NBPF11: variants seen among roughly 807,000 people sequenced by gnomAD.
The protein encoded by NBPF11 is NBPF member 11, also known as NBPF family member NBPF11.
In NBPF11, 72 loss-of-function variants were observed where a neutral mutation model predicts 93.9. The observed-to-expected ratio is 0.77, with a 90% CI of 0.63 to 0.93. The LOEUF (loss-of-function observed/expected upper bound fraction) is 0.93. NBPF11 is among the 40% of genes least tolerant of loss of function. NBPF11 has a pLI of 0.00. For synonymous variants in NBPF11, 224 were observed against 304.9 expected, an observed-to-expected ratio of 0.73 and a Z score of 2.76; for missense variants, 705 against 802.2, an observed-to-expected ratio of 0.88 and a Z score of 1.46.
chr1:148,116,931 C>T (rs1369848285), intron 12 of NBPF11, among the ~76,000 whole-genome samples: 2 of 152,210 alleles, frequency 1.3e-5, no homozygotes, highest in African/African-American at 4.8e-5. Context: ...TCCCACAGTC[C>T]TCTATGCATC....
At chr1:148,124,227 A>G (rs1332288536) in intron 6 of NBPF11, among the ~76,000 whole-genome samples, 160 bp from the exon 7 acceptor site, 2 of 151,786 alleles carry the variant, frequency 1.3e-5, no homozygotes, top group African/African-American at 4.9e-5. Flanking sequence ...AAAGAACAGA[A>G]AATGGTCTAC....
At chr1:148,147,994 G>A (rs1673471541) in intron 1 of NBPF11, among the ~76,000 whole-genome samples, 1 of 152,100 alleles carries the variant, frequency 6.6e-6, no homozygotes, top group African/African-American at 2.4e-5. Flanking sequence ...GGCCTCCACT[G>A]GGGATGTGTC....
chr1:148,129,287 T>C lies in NBPF11; in HGVS notation c.-35-2249A>G, dbSNP rs1432866275. Among the ~76,000 whole-genome samples the C allele has an allele frequency of 2.7e-5, 4 of 147,646 alleles. No individual in the cohort carries two copies. The South Asian group carries it at 6.3e-4, about 23-fold the overall frequency. On this transcript the variant is annotated intron_variant, in intron 4 of 23. Coordinates refer to ENST00000682118, the MANE Select transcript of NBPF11 (RefSeq NM_001385469.3). ...ATACGTGTATATACATAATATACAA[T>C]ATATATAACACGTGTATATATATAT... is the stretch of plus-strand genomic sequence containing the variant.
rs1662515647 is a variant in NBPF11 at position 148,102,272 on chromosome 1, A to G, written c.*1624T>C. On this transcript the variant is annotated 3_prime_UTR_variant, in exon 24 of 24. Coordinates refer to ENST00000682118, the MANE Select transcript of NBPF11 (RefSeq NM_001385469.3). ...ACACTAGTAAAAACAAAGGCACAGTAAAAATTGAGACCCAAAATTTGCAGC... is the reference window on the plus strand; with the variant it reads ...ACACTAGTAAAAACAAAGGCACAGTGAAAATTGAGACCCAAAATTTGCAGC... The G allele has an allele frequency of 6.6e-6, 1 of 151,932 alleles. No individual in the cohort carries two copies. The highest frequency in any genetic ancestry group is 1.5e-5 in the Non-Finnish European group (1 of 68,046). The allele number at this position is 151,932 out of a possible 1,614,324, so 9.4% of individuals were successfully genotyped here.
chr1:148,104,209 C>G (rs1248625833), intron 23 of NBPF11, among the ~76,000 whole-genome samples: 2 of 144,234 alleles, frequency 1.4e-5, no homozygotes, highest in Non-Finnish European at 1.5e-5. Flanking sequence ...AAAGGACACT[C>G]TGACTTAGTG....
rs1266310904 is a variant in NBPF11, at chr1:148,150,522, G to A, written c.-549+1228C>T. On this transcript the variant is annotated intron_variant, in intron 1 of 23. Coordinates refer to ENST00000682118, the MANE Select transcript of NBPF11 (RefSeq NM_001385469.3). ...AGCATTTTAGAATAGAAAAAAAAAA[G>A]AGCTTTTGGTTCACTGGTGAAATTT... 3.8e-3 allele frequency among the ~76,000 whole-genome samples: 570 copies of A among 149,944 alleles called. 13 individuals carry two copies. Among genetic ancestry groups the A allele is most frequent in the African/African-American group, 0.012 (508 of 40,752 alleles).
rs1484826361 is a variant in NBPF11 at position 148,149,217 on chromosome 1, C to A, written c.-549+2533G>T. 1.4e-4 allele frequency: 212 copies of A among 1,548,220 alleles called. 22 individuals are homozygous for A. The highest frequency in any genetic ancestry group is 1.8e-4 in the Non-Finnish European group (202 of 1,144,908). ...TACGGGCAGAGCATCGGCACGGTGC[C>A]CACCATGGACCTGGCCTCGCGCTAC... is the stretch of plus-strand genomic sequence containing the variant. On this transcript the variant is annotated intron_variant, in intron 1 of 23. Coordinates refer to ENST00000682118, the MANE Select transcript of NBPF11 (RefSeq NM_001385469.3).
rs1277411903 is a variant in NBPF11 at position 148,151,563 on chromosome 1, G to A, written c.-549+187C>T. Among the ~76,000 whole-genome samples the A allele has an allele frequency of 2.5e-4, 38 of 152,102 alleles. 2 individuals are homozygous for A. Among genetic ancestry groups the A allele is most frequent in the African/African-American group, 8.5e-4 (35 of 41,392 alleles). On this transcript the variant is annotated intron_variant, in intron 1 of 23. Transcript: ENST00000682118. ...GAGAGGAGGGCTGCGGGCTGCAGCGGCAGGCGAGGAATCAAGCGCAGGGAA... is the reference window on the plus strand; with the variant it reads ...GAGAGGAGGGCTGCGGGCTGCAGCGACAGGCGAGGAATCAAGCGCAGGGAA...
Position 148,147,195 on chromosome 1 carries a change from C to A in NBPF11, c.-548-3509G>T, listed in dbSNP as rs1389190120. On this transcript the variant is annotated intron_variant, in intron 1 of 23. Coordinates refer to ENST00000682118, the MANE Select transcript of NBPF11 (RefSeq NM_001385469.3). ...GGCCTGAGGATGGGAAGGGGCTGAGCTTGTCACAGGGGTGTGGATGCCACC... is the reference window on the plus strand; with the variant it reads ...GGCCTGAGGATGGGAAGGGGCTGAGATTGTCACAGGGGTGTGGATGCCACC... 5.1e-3 allele frequency among the ~76,000 whole-genome samples: 779 copies of A among 152,256 alleles called. 9 individuals carry two copies. The highest frequency in any genetic ancestry group is 0.018 in the African/African-American group (759 of 41,502).
At chr1:148,151,111 G>C (rs1648201953) in intron 1 of NBPF11, among the ~76,000 whole-genome samples, 1 of 152,058 alleles carries the variant, frequency 6.6e-6, no homozygotes, top group South Asian at 2.1e-4. Context: ...AAGCCTCAAA[G>C]AAAGACAGAC....
chr1:148,146,775 G>A (rs1225805854), intron 1 of NBPF11: 13 of 1,613,168 alleles, frequency 8.1e-6, no homozygotes, highest in Middle Eastern at 1.8e-4. Flanking sequence ...TGGGCCAGAT[G>A]AGCAGCTTCT....
intron 8 of NBPF11, 128 bp downstream of exon 8, chr1:148,122,601 T>C (rs1227707118): frequency 6.5e-6 from 9 of 1,383,656 alleles, no homozygotes; most frequent in Non-Finnish European, 8.2e-6. Flanking sequence ...CTAAGCTGGG[T>C]TGAATTTCAC....
At chr1:148,141,898 G>A (rs2149292271) in intron 2 of NBPF11, among the ~76,000 whole-genome samples, 2 of 151,816 alleles carry the variant, frequency 1.3e-5, no homozygotes, top group East Asian at 3.9e-4. Context: ...AGATTTCAGT[G>A]CAGTGTGGTC....
intron 15 of NBPF11, among the ~76,000 whole-genome samples, chr1:148,111,881 A>C (rs1285542805): frequency 3.3e-5 from 5 of 150,906 alleles, no homozygotes; most frequent in African/African-American, 7.4e-5. Context: ...GCCAACATTC[A>C]AATTCAGGAA....
chr1:148,107,560 AC>A (rs1258687832), intron 19 of NBPF11, 150 bp downstream of exon 19: 1 of 880,240 alleles, frequency 1.1e-6, no homozygotes, highest in Non-Finnish European at 1.9e-6. Context: ...GGAAACCTAA[AC>A]ATCTACTGCA....
intron 1 of NBPF11, among the ~76,000 whole-genome samples, chr1:148,149,746 C>A: frequency 7.0e-6 from 1 of 143,068 alleles, no homozygotes; most frequent in Admixed American, 7.0e-5. Flanking sequence ...CTTTTGGAAG[C>A]AAGAAGAAAA....
chr1:148,142,422 T>A (rs1309001484), intron 2 of NBPF11, among the ~76,000 whole-genome samples: 72 of 151,620 alleles, frequency 4.7e-4, no homozygotes, highest in Non-Finnish European at 9.7e-4. Flanking sequence ...CCCCAAAGAA[T>A]GAGATGAGAC....
chr1:148,150,882 C>A (rs2149320418), intron 1 of NBPF11, among the ~76,000 whole-genome samples: 1 of 151,894 alleles, frequency 6.6e-6, no homozygotes, highest in East Asian at 1.9e-4. Context: ...CACCTGCCAC[C>A]ATGCCCGGCT....
intron 1 of NBPF11, chr1:148,149,424 T>C: frequency 1.3e-6 from 2 of 1,581,536 alleles, no homozygotes; most frequent in South Asian, 1.1e-5. Flanking sequence ...TCGCACGGGC[T>C]GGCGCTCTAC....
Sources: allele counts gnomAD v4.1 joint callset (sites outside exome capture counted in the v4.1 genomes callset), GRCh38; gene constraint gnomAD v4.1.1; transcripts MANE v1.5; gene names NCBI Gene and HGNC (gene_info 2026-07-23, HGNC 2026-07-21).